SLC22A23: variants seen among roughly 807,000 people sequenced by gnomAD.
SLC22A23 encodes solute carrier family 22 member 23.
Under a neutral mutation model 61.0 loss-of-function variants are expected in SLC22A23, and 26 were observed. The ratio of observed to expected loss-of-function variants is 0.43; its 90% CI spans 0.31 to 0.59. The LOEUF (loss-of-function observed/expected upper bound fraction) is 0.59, where lower values mean the gene tolerates loss of function less well. SLC22A23 is among the 20% of genes least tolerant of loss of function. The pLI is 0.11. For missense variants in SLC22A23, 796 were observed against 934.7 expected (o/e 0.85, Z 1.94); for synonymous variants, 430 against 413.9 (o/e 1.04, Z -0.47).
At chr6:3,299,558 G>C (rs1761431676) in intron 4 of SLC22A23, among the ~76,000 whole-genome samples, 1 of 152,136 alleles carries the variant, frequency 6.6e-6, no homozygotes, top group Admixed American at 6.5e-5. Flanking sequence ...AAAAAAACTA[G>C]TGTTTTATTA....
intron 1 of SLC22A23, among the ~76,000 whole-genome samples, chr6:3,453,868 C>T (rs1354553386): frequency 2.0e-5 from 3 of 152,184 alleles, no homozygotes; most frequent in African/African-American, 7.2e-5. Flanking sequence ...ACCCCTGGAA[C>T]TCCTGCACTC....
chr6:3,371,654 G>T (rs1203522846), intron 3 of SLC22A23, among the ~76,000 whole-genome samples: 1 of 152,102 alleles, frequency 6.6e-6, no homozygotes, highest in East Asian at 1.9e-4. Flanking sequence ...TGTCTTGTGG[G>T]TTCTAAGAAT....
At chr6:3,416,004 G>T in intron 1 of SLC22A23, 149 bp from the exon 2 acceptor site, 1 of 585,058 alleles carries the variant, frequency 1.7e-6, no homozygotes. Context: ...CTCTTCCATG[G>T]TTTTGAAAAT....
chr6:3,378,957 C>A (rs1453696129), intron 3 of SLC22A23, among the ~76,000 whole-genome samples: 2 of 152,170 alleles, frequency 1.3e-5, no homozygotes, highest in Admixed American at 1.3e-4. Context: ...CCGCGCCTGG[C>A]CTCAGTGTCA....
intron 9 of SLC22A23, chr6:3,282,257 G>A (rs182489930): frequency 5.7e-6 from 4 of 702,422 alleles, no homozygotes; most frequent in African/African-American, 3.5e-5. Flanking sequence ...GCCTGCGGTC[G>A]GCCTGAGGTA....
At chr6:3,363,133 C>T (rs997957105) in intron 3 of SLC22A23, among the ~76,000 whole-genome samples, 1 of 152,188 alleles carries the variant, frequency 6.6e-6, no homozygotes, top group African/African-American at 2.4e-5. Context: ...CACACTCAGG[C>T]AGGGGCATGT....
chr6:3,297,249 AG>A lies in SLC22A23; in HGVS notation c.1210+841del, dbSNP rs1218602482. On this transcript the variant is annotated intron_variant, in intron 5 of 9. Transcript: ENST00000406686. This position sits in a 1 kb window ranked among gnomAD's most constrained non-coding sequence, Gnocchi z 4.3. Reference sequence around the variant, plus strand: ...ATCATGATCACAAGCATTTCTGGTCAGGGGGGAAAATGAGCATATTCTCTCT... The same window carrying A: ...ATCATGATCACAAGCATTTCTGGTCAGGGGGAAAATGAGCATATTCTCTCT... Among the ~76,000 whole-genome samples the A allele has an allele frequency of 6.6e-6, 1 of 152,194 alleles. No individual in the cohort carries two copies. Among genetic ancestry groups the A allele is most frequent in the Admixed American group, 6.5e-5 (1 of 15,280 alleles).
At chr6:3,447,585 T>C (rs1252126430) in intron 1 of SLC22A23, among the ~76,000 whole-genome samples, 2 of 142,832 alleles carry the variant, frequency 1.4e-5, no homozygotes, top group Admixed American at 6.9e-5. Flanking sequence ...GAAACTTTCT[T>C]TTTTTTTTTT....
At chr6:3,323,408 T>C (rs1444903765) in intron 4 of SLC22A23, 1 of 453,818 alleles carries the variant, frequency 2.2e-6, no homozygotes, top group Non-Finnish European at 4.4e-6. Context: ...AGGCTGAAGG[T>C]TGCCCACCCC....
chr6:3,405,618 ATT>A (rs546024248), intron 3 of SLC22A23, among the ~76,000 whole-genome samples: 19 of 144,276 alleles, frequency 1.3e-4, no homozygotes, highest in Admixed American at 2.8e-4. Context: ...GCTCAGTCAA[ATT>A]TTTTTTTTTT....
intron 7 of SLC22A23, 128 bp from the exon 8 acceptor site, chr6:3,285,239 TC>T: frequency 1.5e-6 from 2 of 1,318,360 alleles, no homozygotes; most frequent in Non-Finnish European, 2.1e-6. Context: ...CAAACTCCCT[TC>T]CGTGTCTGGG....
At chr6:3,412,067 G>T (rs1330119883) in intron 2 of SLC22A23, among the ~76,000 whole-genome samples, 2 of 152,188 alleles carry the variant, frequency 1.3e-5, no homozygotes, top group African/African-American at 4.8e-5. Flanking sequence ...CCTTCACTAG[G>T]GGGGATGATG....
intron 3 of SLC22A23, among the ~76,000 whole-genome samples, chr6:3,331,694 T>C (rs925771003): frequency 6.6e-6 from 1 of 152,254 alleles, no homozygotes; most frequent in African/African-American, 2.4e-5. Flanking sequence ...AGCAATCTCT[T>C]CTGTGTAAAA....
At chr6:3,344,476 T>C (rs1434077198) in intron 3 of SLC22A23, among the ~76,000 whole-genome samples, 5 of 152,168 alleles carry the variant, frequency 3.3e-5, no homozygotes. Context: ...ATTGAAAAGT[T>C]CAAAGGACAC....
intron 3 of SLC22A23, among the ~76,000 whole-genome samples, chr6:3,334,493 G>A (rs1763744086): frequency 6.6e-6 from 1 of 151,724 alleles, no homozygotes; most frequent in South Asian, 2.1e-4. Context: ...CAGCAGGCAT[G>A]TGACTTTTTT....
At chr6:3,316,288 G>A (rs987129848) in intron 4 of SLC22A23, among the ~76,000 whole-genome samples, 1 of 152,172 alleles carries the variant, frequency 6.6e-6, no homozygotes, top group Non-Finnish European at 1.5e-5. Flanking sequence ...ACCAACCTCT[G>A]GTTCCTTGGA....
intron 3 of SLC22A23, among the ~76,000 whole-genome samples, chr6:3,353,433 G>A (rs187944855): frequency 2.6e-5 from 4 of 152,288 alleles, no homozygotes; most frequent in Admixed American, 2.0e-4. Context: ...TCTGGCTTGA[G>A]CGGTTTGGCT....
intron 3 of SLC22A23, among the ~76,000 whole-genome samples, chr6:3,394,858 G>A (rs557156707): frequency 2.6e-5 from 4 of 152,316 alleles, no homozygotes; most frequent in East Asian, 1.9e-4. Context: ...GCTAAGACTC[G>A]GGGAAGGGAC....
chr6:3,303,408 T>C (rs922654221), intron 4 of SLC22A23: 5 of 152,248 alleles, frequency 3.3e-5, no homozygotes, highest in African/African-American at 4.8e-5. Flanking sequence ...CCTGAGTTTA[T>C]TGCAGCATTA....
Sources: allele counts gnomAD v4.1 joint callset (sites outside exome capture counted in the v4.1 genomes callset), GRCh38; gene constraint gnomAD v4.1.1; non-coding constraint Gnocchi (gnomAD v3.1); transcripts MANE v1.5; gene names NCBI Gene and HGNC (gene_info 2026-07-23, HGNC 2026-07-21).